Variants in ANKRD12 observed in about 807,000 individuals in gnomAD.
ANKRD12 encodes ankyrin repeat domain-containing protein 12.
In ANKRD12, 85 loss-of-function variants were observed where a neutral mutation model predicts 183.4. The ratio of observed to expected loss-of-function variants is 0.46; its 90% CI spans 0.39 to 0.56. ANKRD12 has a LOEUF of 0.56. ANKRD12 is among the 20% of genes least tolerant of loss of function. ANKRD12 has a pLI of 0.00. For missense variants in ANKRD12, 2,405 were observed against 2,357.1 expected, an observed-to-expected ratio of 1.02 and a Z score of -0.42; for synonymous variants, 914 against 800.2, an observed-to-expected ratio of 1.14 and a Z score of -2.40.
chr18:9,284,179 G>A lies in ANKRD12; in HGVS notation c.*3053G>A, dbSNP rs996080371. 1 of 152,124 alleles carries A rather than the reference G, an allele frequency of 6.6e-6. No individual in the cohort carries two copies. Among genetic ancestry groups the A allele is most frequent in the African/African-American group, 2.4e-5 (1 of 41,426 alleles). 9.4% of individuals were successfully genotyped at this position (152,124 alleles called of 1,614,324 possible). On this transcript the variant is annotated 3_prime_UTR_variant, in exon 13 of 13. Coordinates refer to ENST00000262126, the MANE Select transcript of ANKRD12 (RefSeq NM_015208.5). ...CACCAATAGACTTGCTTGAAGCAGG[G>A]TTGCCACAAACCTTCAATTTGTAAA...
At chr18:9,262,204 C>T (rs1490093979) in intron 9 of ANKRD12, among the ~76,000 whole-genome samples, 1 of 152,146 alleles carries the variant, frequency 6.6e-6, no homozygotes, top group Non-Finnish European at 1.5e-5. Flanking sequence ...TATGGTGTTA[C>T]ATGATTCCTG....
chr18:9,203,958 T>C (rs1391100361), intron 3 of ANKRD12, among the ~76,000 whole-genome samples: 1 of 152,216 alleles, frequency 6.6e-6, no homozygotes, highest in East Asian at 1.9e-4. Context: ...TTACTTTCTT[T>C]CCAGACGGTC....
At chr18:9,241,246 G>A (rs1018457096) in intron 8 of ANKRD12, among the ~76,000 whole-genome samples, 5 of 152,024 alleles carry the variant, frequency 3.3e-5, no homozygotes, top group African/African-American at 4.8e-5. Context: ...TTTGATGATC[G>A]GGAATCTAGA....
rs772150644 is a variant in ANKRD12 at position 9,256,182 on chromosome 18, T to C, written c.2915T>C (p.Ile972Thr). ...EKSRDKESINITNSKHIQEEK... is the reference protein window; with the variant it reads ...EKSRDKESINTTNSKHIQEEK... ...TCTAGAGATAAAGAAAGTATAAATATAACTAACTCCAAACACATACAGGAA... is the reference window on the plus strand; with the variant it reads ...TCTAGAGATAAAGAAAGTATAAATACAACTAACTCCAAACACATACAGGAA... Residue 972 changes from isoleucine to threonine, a missense_variant, in exon 9 of 13, where the codon ATA becomes ACA. Around this residue, in one of 7 missense-constraint regions of ANKRD12, gnomAD observed 1,983 missense variants for 1,725.9 expected, o/e 1.15. Transcript: ENST00000262126. 6.4e-7 allele frequency: 1 copy of C among 1,562,282 alleles called. No homozygotes were observed. The highest frequency in any genetic ancestry group is 1.2e-5 in the South Asian group (1 of 81,502).
chr18:9,275,219 C>A (rs2039774888), intron 10 of ANKRD12, among the ~76,000 whole-genome samples: 1 of 152,040 alleles, frequency 6.6e-6, no homozygotes, highest in African/African-American at 2.4e-5. Context: ...AATCTCAGCA[C>A]TTTGAGAAGC....
intron 1 of ANKRD12, among the ~76,000 whole-genome samples, chr18:9,154,251 GTC>G (rs773897289): frequency 5.3e-5 from 8 of 152,204 alleles, no homozygotes; most frequent in Non-Finnish European, 1.2e-4. Flanking sequence ...GCAAAACCCT[GTC>G]TCTACAAAAA....
At chr18:9,229,663 C>T (rs2036929920) in intron 8 of ANKRD12, among the ~76,000 whole-genome samples, 3 of 152,080 alleles carry the variant, frequency 2.0e-5, no homozygotes, top group Admixed American at 2.0e-4. Context: ...TTTGTATCTG[C>T]AACGTTACTG....
At chr18:9,263,403 T>C (rs910597002) in intron 9 of ANKRD12, among the ~76,000 whole-genome samples, 1 of 152,148 alleles carries the variant, frequency 6.6e-6, no homozygotes, top group African/African-American at 2.4e-5. Context: ...GACCTCACTA[T>C]ATAGATACCA....
chr18:9,169,430 C>T (rs1418390474), intron 1 of ANKRD12, among the ~76,000 whole-genome samples: 1 of 152,164 alleles, frequency 6.6e-6, no homozygotes, highest in African/African-American at 2.4e-5. Flanking sequence ...GGATAGTTAT[C>T]TCTTCTTGTT....
At chr18:9,163,820 C>G (rs559113456) in intron 1 of ANKRD12, among the ~76,000 whole-genome samples, 1 of 151,916 alleles carries the variant, frequency 6.6e-6, no homozygotes, top group African/African-American at 2.4e-5. Flanking sequence ...TCATGATTTG[C>G]GCTCTGCTTG....
chr18:9,160,564 T>C (rs2031265871), intron 1 of ANKRD12, among the ~76,000 whole-genome samples: 1 of 152,244 alleles, frequency 6.6e-6, no homozygotes, highest in Non-Finnish European at 1.5e-5. Context: ...CCCAGTCCCC[T>C]GGCAAGCACT....
In ANKRD12 at chr18:9,193,121, A is replaced by T. The variant is rs185259961; in HGVS notation, c.88-2430A>T. 1.4e-3 allele frequency among the ~76,000 whole-genome samples: 219 copies of T among 151,734 alleles called. 1 individual carries two copies. The highest frequency in any genetic ancestry group is 5.2e-3 in the African/African-American group (213 of 41,314). On this transcript the variant is annotated intron_variant, in intron 2 of 12. Transcript: ENST00000262126. ...AGGCTGTAAGTTTTTTAATAGTATAAAATTGAGTACAGCATTTTTTTTTTT... is the reference window on the plus strand; with the variant it reads ...AGGCTGTAAGTTTTTTAATAGTATATAATTGAGTACAGCATTTTTTTTTTT...
At chr18:9,272,005 G>C (rs557070315) in intron 10 of ANKRD12, among the ~76,000 whole-genome samples, 2 of 152,232 alleles carry the variant, frequency 1.3e-5, no homozygotes, top group East Asian at 3.9e-4. Flanking sequence ...AATGAACAAA[G>C]TTTACAGCCA....
chr18:9,211,889 G>A (rs1598574395), intron 6 of ANKRD12, 105 bp downstream of exon 6: 1 of 1,020,428 alleles, frequency 9.8e-7, no homozygotes. Context: ...AAATGAAAGA[G>A]TTCTAAAAAT....
At chr18:9,154,750 A>G (rs1299183895) in intron 1 of ANKRD12, among the ~76,000 whole-genome samples, 2 of 152,198 alleles carry the variant, frequency 1.3e-5, no homozygotes, top group African/African-American at 2.4e-5. Flanking sequence ...AATTTGTGGT[A>G]TATTTTAGAG....
intron 1 of ANKRD12, among the ~76,000 whole-genome samples, chr18:9,165,190 C>G (rs1169819174): frequency 6.6e-6 from 1 of 152,056 alleles, no homozygotes; most frequent in Non-Finnish European, 1.5e-5. Flanking sequence ...GTTTTCAAGT[C>G]TGTTTTGTCA....
intron 8 of ANKRD12, among the ~76,000 whole-genome samples, chr18:9,253,975 T>G (rs1331200347): frequency 6.6e-6 from 1 of 152,334 alleles, no homozygotes; most frequent in Admixed American, 6.5e-5. Context: ...TACTGTGCTT[T>G]TAGAAGTGTC....
intron 1 of ANKRD12, among the ~76,000 whole-genome samples, chr18:9,138,889 C>G (rs2078220573): frequency 6.6e-6 from 1 of 152,176 alleles, no homozygotes; most frequent in Non-Finnish European, 1.5e-5. Context: ...TTCTGAAGCT[C>G]TACAGGCATC....
intron 3 of ANKRD12, among the ~76,000 whole-genome samples, chr18:9,200,309 T>G (rs1218721184): frequency 6.6e-6 from 1 of 152,148 alleles, no homozygotes; most frequent in Non-Finnish European, 1.5e-5. Context: ...TTAATTTATT[T>G]AAACAAATCA....
Sources: gnomAD v4.1 joint callset for allele counts (sites outside exome capture counted in the v4.1 genomes callset) on GRCh38, gnomAD v4.1.1 for gene constraint, gnomAD v4.1.1 regional missense constraint, MANE v1.5 for transcripts, NCBI Gene and HGNC (gene_info 2026-07-23, HGNC 2026-07-21) for gene names.